Variants in MTOR observed in about 807,000 individuals in gnomAD.
The protein encoded by MTOR is serine/threonine-protein kinase mTOR.
A neutral mutation model predicts 319.8 loss-of-function variants in MTOR; 70 were observed. That is an observed-to-expected ratio of 0.22 (90% CI 0.18 to 0.27). MTOR has a LOEUF of 0.27. Ranked by LOEUF, MTOR falls within the 10% of genes least tolerant of loss-of-function variation. The probability of loss-of-function intolerance (pLI) is 1.00; values close to 1 mark genes in which losing one functional copy is unlikely to be tolerated. For missense variants in MTOR, 1,890 were observed against 3,274.4 expected, an observed-to-expected ratio of 0.58 and a Z score of 10.32; for synonymous variants, 1,183 against 1,211.4, an observed-to-expected ratio of 0.98 and a Z score of 0.49.
chr1:11,141,692 A>G (rs1436631857), intron 34 of MTOR, among the ~76,000 whole-genome samples: 1 of 150,372 alleles, frequency 6.7e-6, no homozygotes, highest in Non-Finnish European at 1.5e-5. Flanking sequence ...AATTAAAAAA[A>G]AAAAAGAAAA....
rs1261375125 is a variant in MTOR at position 11,240,427 on chromosome 1, G to A, written c.1662C>T (p.His554=). 1 of 1,614,264 alleles carries A rather than the reference G, an allele frequency of 6.2e-7. No individual in the cohort carries two copies. The highest frequency in any genetic ancestry group is 8.5e-7 in the Non-Finnish European group (1 of 1,180,042). ...GGGCCAGGCCCTTGGGCATGCCTGG[G>A]TGGCGAAGGGGTTTGTGCATAAGGA... ...SLVLMHKPLR[H]PGMPKGLAHQ... The change falls in exon 11 of 58, where the codon CAC becomes CAT. Residue 554 remains histidine (H), a synonymous_variant. Transcript: ENST00000361445.
chr1:11,233,570 G>T, intron 14 of MTOR, 83 bp from the exon 15 acceptor site: 1 of 1,042,020 alleles, frequency 9.6e-7, no homozygotes, highest in Non-Finnish European at 1.5e-6. Flanking sequence ...ATTCACCCAA[G>T]AGACCATCTC....
chr1:11,115,127 G>A lies in MTOR; in HGVS notation c.7090-240C>T, dbSNP rs746984987. On this transcript the variant is annotated intron_variant, in intron 51 of 57. Coordinates refer to ENST00000361445, the MANE Select transcript of MTOR (RefSeq NM_004958.4). The surrounding 1 kb of genome is among the most constrained non-coding windows in gnomAD (Gnocchi z 4.5). Reference sequence around the variant, plus strand: ...AAAGGAAAAAAGACAAATGTGCATCGTGTCCAGGCTCTTGGGCAACAGGTG... The same window carrying A: ...AAAGGAAAAAAGACAAATGTGCATCATGTCCAGGCTCTTGGGCAACAGGTG... Among the ~76,000 whole-genome samples the A allele has an allele frequency of 1.3e-5, 2 of 152,050 alleles. No homozygotes were observed. The highest frequency in any genetic ancestry group is 2.9e-5 in the Non-Finnish European group (2 of 68,014).
chr1:11,199,116 C>A lies in MTOR; in HGVS notation c.4253+142G>T. The A allele has an allele frequency of 2.0e-6, 2 of 1,017,242 alleles. No individual in the cohort carries two copies. The highest frequency in any genetic ancestry group is 2.4e-5 in the Admixed American group (1 of 41,182). The allele number at this position is 1,017,242 out of a possible 1,614,324, so 63.0% of individuals were successfully genotyped here. A position where few individuals can be genotyped will look rare whatever the true frequency, so the allele number is the denominator to read the frequency against. ...GGGAGAGCCATCTGCAACAACATGT[C>A]ATTTAAACATGCTGGCCAGACCCAG... On this transcript the variant is annotated intron_variant, in intron 28 of 57. Coordinates refer to ENST00000361445, the MANE Select transcript of MTOR (RefSeq NM_004958.4). This position sits in a 1 kb window ranked among gnomAD's most constrained non-coding sequence, Gnocchi z 4.5.
chr1:11,193,535 T>TTCTGCCCC (rs775396715), intron 28 of MTOR: 192 of 1,534,578 alleles, frequency 1.3e-4, no homozygotes, highest in Non-Finnish European at 1.6e-4. Flanking sequence ...TGCTCCTGCC[T>TTCTGCCCC]TCTGCCCCTG....
At position 11,240,257 on chromosome 1, in the gene MTOR, T is replaced by G. The variant is rs936269910; in HGVS notation, c.1786+46A>C. On this transcript the variant is annotated intron_variant, in intron 11 of 57. Transcript: ENST00000361445. ...ATACCTTCATTCCTTTCCCAAAGTT[T>G]CCAGCATCTCTCACTATCTTGGCAA... 8 of 1,510,742 alleles carry G rather than the reference T, an allele frequency of 5.3e-6. No homozygotes were observed. The African/African-American group carries it at 9.8e-5, about 18-fold the overall frequency. The allele number at this position is 1,510,742 out of a possible 1,614,324, so 93.6% of individuals were successfully genotyped here.
chr1:11,244,476 A>G (rs1198669253), intron 8 of MTOR, among the ~76,000 whole-genome samples: 2 of 151,816 alleles, frequency 1.3e-5, no homozygotes, highest in Non-Finnish European at 2.9e-5. Context: ...CTACTGAAAT[A>G]CAAAAAATTA....
At position 11,115,497 on chromosome 1, in the gene MTOR, G is replaced by A; in HGVS notation, c.7017-29C>T. ...TGAGAAACAGAAGACAGATCAGGGA[G>A]GGATCAACAGAGATAACGGATGAAA... is the stretch of plus-strand genomic sequence containing the variant. On this transcript the variant is annotated intron_variant, in intron 50 of 57. Coordinates refer to ENST00000361445, the MANE Select transcript of MTOR (RefSeq NM_004958.4). This position sits in a 1 kb window ranked among gnomAD's most constrained non-coding sequence, Gnocchi z 4.5. 1.2e-6 allele frequency: 2 copies of A among 1,601,594 alleles called. No individual in the cohort carries two copies. The highest frequency in any genetic ancestry group is 2.2e-5 in the East Asian group (1 of 44,802).
At chr1:11,155,193 T>C (rs960400072) in intron 30 of MTOR, among the ~76,000 whole-genome samples, 5 of 152,200 alleles carry the variant, frequency 3.3e-5, no homozygotes, top group Non-Finnish European at 5.9e-5. Context: ...CTAGATTTAT[T>C]GATATGATGA....
chr1:11,212,411 C>G lies in MTOR; in HGVS notation c.3462G>C (p.Arg1154=), dbSNP rs17036536. 7.4e-3 allele frequency: 11,916 copies of G among 1,614,122 alleles called. 412 individuals carry two copies. The highest frequency in any genetic ancestry group is 0.063 in the Admixed American group (3,776 of 59,986). The change falls in exon 23 of 58, where the codon CGG becomes CGC. Residue 1154 remains arginine, a synonymous_variant. Coordinates refer to ENST00000361445, the MANE Select transcript of MTOR (RefSeq NM_004958.4). The surrounding 1 kb of genome is among the most constrained non-coding windows in gnomAD (Gnocchi z 4.1). ...GTGTTCGAACAATAGGGTGAATGAT[C>G]CGGGAGGCATAGTCAGTGAAATCCA... The part of the protein sequence containing the change: ...ESLDFTDYAS[R]IIHPIVRTLD...
rs1347928272 is a variant in MTOR, at chr1:11,258,631, T to G, written c.163-38A>C. The G allele has an allele frequency of 3.3e-6, 5 of 1,502,424 alleles. No homozygotes were observed. The African/African-American group carries it at 6.9e-5, about 21-fold the overall frequency. 93.1% of individuals were successfully genotyped at this position (1,502,424 alleles called of 1,614,324 possible). ...ATATAATCAGAACAATTTCTAATAA[T>G]TCTCTAACTGTGGTGGTGGGAGTGG... On this transcript the variant is annotated intron_variant, in intron 2 of 57. Coordinates refer to ENST00000361445, the MANE Select transcript of MTOR (RefSeq NM_004958.4).
intron 1 of MTOR, among the ~76,000 whole-genome samples, chr1:11,260,547 A>T (rs1024583353): frequency 1.4e-5 from 2 of 140,172 alleles, no homozygotes; most frequent in Non-Finnish European, 3.1e-5. Flanking sequence ...CATCTCAATT[A>T]AAAAAAAAAA....
At chr1:11,240,617 G>C (rs2100910872) in intron 10 of MTOR, 70 bp from the exon 11 acceptor site, 1 of 1,546,710 alleles carries the variant, frequency 6.5e-7, no homozygotes, top group Non-Finnish European at 8.7e-7. Flanking sequence ...GGAAGAAACA[G>C]CTTTCTCTCC....
intron 53 of MTOR, 144 bp downstream of exon 53, chr1:11,114,174 T>G: frequency 1.1e-6 from 1 of 932,232 alleles, no homozygotes; most frequent in South Asian, 1.7e-5. Context: ...TTTTTCAGTT[T>G]TTGCAGAAAG....
Position 11,212,788 on chromosome 1 carries a change from G to GTGC in MTOR, c.3398+5_3398+7dup. On this transcript the variant is annotated splice_region_variant and intron_variant, in intron 22 of 57. Coordinates refer to ENST00000361445, the MANE Select transcript of MTOR (RefSeq NM_004958.4). This position sits in a 1 kb window ranked among gnomAD's most constrained non-coding sequence, Gnocchi z 4.1. ...AAAGATTGCTAGTCCCAAAGAGGAG[G>GTGC]TGCTCACTTTCGAGATGGCAGTGGA... is the stretch of plus-strand genomic sequence containing the variant. 1 of 1,598,992 alleles carries GTGC rather than the reference G, an allele frequency of 6.3e-7. No individual in the cohort carries two copies. The highest frequency in any genetic ancestry group is 1.7e-5 in the Admixed American group (1 of 59,988).
chr1:11,200,022 G>C (rs973683338), intron 26 of MTOR, among the ~76,000 whole-genome samples: 1 of 152,184 alleles, frequency 6.6e-6, no homozygotes, highest in South Asian at 2.1e-4. Flanking sequence ...TGGGGGGCGA[G>C]TGGCAGGGCG....
At chr1:11,241,782 G>T in intron 9 of MTOR, 101 bp from the exon 10 acceptor site, 1 of 1,378,694 alleles carries the variant, frequency 7.3e-7, no homozygotes, top group Non-Finnish European at 1.0e-6. Flanking sequence ...ACTCAGGCAG[G>T]GCTACCACAG....
intron 14 of MTOR, among the ~76,000 whole-genome samples, chr1:11,233,878 C>G (rs1472086962): frequency 6.6e-6 from 1 of 152,164 alleles, no homozygotes; most frequent in East Asian, 1.9e-4. Context: ...TACTATCTAC[C>G]TACTTCTCCT....
At chr1:11,136,844 ATTT>A (rs113225104) in intron 36 of MTOR, among the ~76,000 whole-genome samples, 1 of 129,580 alleles carries the variant, frequency 7.7e-6, no homozygotes, top group Non-Finnish European at 1.7e-5. Context: ...CTTAAATCTG[ATTT>A]TTTTTTTTTT....
Sources: allele counts gnomAD v4.1 joint callset (sites outside exome capture counted in the v4.1 genomes callset), GRCh38; gene constraint gnomAD v4.1.1; non-coding constraint Gnocchi (gnomAD v3.1); transcripts MANE v1.5; gene names NCBI Gene and HGNC (gene_info 2026-07-23, HGNC 2026-07-21).